Variants in GLT1D1 observed in about 807,000 individuals in gnomAD.
The protein encoded by GLT1D1 is glycosyltransferase 1 domain containing 1, also known as glycosyltransferase 1 domain-containing protein 1.
GLT1D1 carries 21 observed loss-of-function variants against 28.7 expected under a neutral mutation model. The observed-to-expected ratio is 0.73, with a 90% CI of 0.52 to 1.05. The LOEUF (loss-of-function observed/expected upper bound fraction) is 1.05, where lower values mean the gene tolerates loss of function less well. Ranked by LOEUF, GLT1D1 falls within the 50% of genes least tolerant of loss-of-function variation. GLT1D1 has a pLI of 0.00. For missense variants in GLT1D1, 343 were observed against 330.6 expected, an observed-to-expected ratio of 1.04 and a Z score of -0.29; for synonymous variants, 147 against 124.8, an observed-to-expected ratio of 1.18 and a Z score of -1.19.
intron 7 of GLT1D1, among the ~76,000 whole-genome samples, chr12:128,963,680 C>T (rs1414928694): frequency 6.6e-6 from 1 of 152,170 alleles, no homozygotes; most frequent in Non-Finnish European, 1.5e-5. Flanking sequence ...TCTCTCTCTA[C>T]ATGAAAATTA....
intron 7 of GLT1D1, among the ~76,000 whole-genome samples, chr12:128,960,233 A>G (rs1877796626): frequency 6.6e-6 from 1 of 152,216 alleles, no homozygotes; most frequent in African/African-American, 2.4e-5. Flanking sequence ...GGAGGCTGCG[A>G]TTCTTAACAC....
intron 7 of GLT1D1, among the ~76,000 whole-genome samples, chr12:128,978,569 G>T (rs1880015325): frequency 6.6e-6 from 1 of 152,126 alleles, no homozygotes; most frequent in Non-Finnish European, 1.5e-5. Flanking sequence ...ACTTTTTCCA[G>T]AAGACACTGA....
At chr12:128,958,539 G>C (rs1877528370) in intron 7 of GLT1D1, among the ~76,000 whole-genome samples, 2 of 142,204 alleles carry the variant, frequency 1.4e-5, no homozygotes, top group African/African-American at 5.3e-5. Flanking sequence ...TCAGGAGTTT[G>C]AGACCAGCCT....
chr12:128,874,098 T>TTCTTTC (rs1956788789), intron 1 of GLT1D1, among the ~76,000 whole-genome samples: 2 of 33,052 alleles, frequency 6.1e-5, no homozygotes, highest in African/African-American at 2.5e-4. Context: ...CTTTCTTTCT[T>TTCTTTC]TCTCTCTCTC....
chr12:128,901,886 G>A (rs1419222395), intron 4 of GLT1D1, among the ~76,000 whole-genome samples: 1 of 151,344 alleles, frequency 6.6e-6, no homozygotes, highest in Non-Finnish European at 1.5e-5. Flanking sequence ...GTGCTGGGAT[G>A]ACAGGCATGA....
At chr12:128,956,323 G>A (rs888516068) in intron 6 of GLT1D1, among the ~76,000 whole-genome samples, 1 of 151,688 alleles carries the variant, frequency 6.6e-6, no homozygotes, top group African/African-American at 2.4e-5. Context: ...CATCTAACAC[G>A]AACCTATTTT....
chr12:128,974,704 G>A (rs983420990), intron 7 of GLT1D1, among the ~76,000 whole-genome samples: 2 of 152,200 alleles, frequency 1.3e-5, no homozygotes, highest in African/African-American at 4.8e-5. Flanking sequence ...TGTTGTTGAT[G>A]GGCATGGCCT....
chr12:128,919,860 C>T (rs772595958), intron 4 of GLT1D1, among the ~76,000 whole-genome samples: 1 of 152,128 alleles, frequency 6.6e-6, no homozygotes, highest in Non-Finnish European at 1.5e-5. Flanking sequence ...AAACCTAAAA[C>T]GTATGAAAGC....
At chr12:128,892,775 A>C (rs1869208223) in intron 3 of GLT1D1, among the ~76,000 whole-genome samples, 3 of 151,912 alleles carry the variant, frequency 2.0e-5, no homozygotes, top group South Asian at 2.1e-4. Flanking sequence ...TTAGTATTTA[A>C]ATTTTTTTTC....
At chr12:128,865,415 A>C (rs1298727212) in intron 1 of GLT1D1, among the ~76,000 whole-genome samples, 1 of 152,232 alleles carries the variant, frequency 6.6e-6, no homozygotes, top group East Asian at 1.9e-4. Flanking sequence ...TGATTATATC[A>C]CGGTAATGAA....
intron 7 of GLT1D1, among the ~76,000 whole-genome samples, chr12:128,962,980 A>G (rs546007977): frequency 1.2e-4 from 19 of 152,256 alleles, no homozygotes; most frequent in Admixed American, 6.5e-4. Flanking sequence ...GATTACAGGC[A>G]TGAGCCACCG....
Position 128,875,956 on chromosome 12 carries a change from T to G in GLT1D1, c.111T>G (p.Asp37Glu). 6.2e-7 allele frequency: 1 copy of G among 1,614,152 alleles called. No homozygotes were observed. The highest frequency in any genetic ancestry group is 1.1e-5 in the South Asian group (1 of 91,082). The change falls in exon 2 of 8, where the codon GAT becomes GAG. Residue 37 changes from aspartate (D) to glutamate (E), a missense_variant. Asp to Glu is a conservative substitution (Grantham distance 45). Coordinates refer to ENST00000281703, the MANE Select transcript of GLT1D1 (RefSeq NM_144669.3). ...CAGGGCACGTGTGCGTTTTGAAGGATGCCTTTGACTTTGAAAGCCGATCTG... is the reference window on the plus strand; with the variant it reads ...CAGGGCACGTGTGCGTTTTGAAGGAGGCCTTTGACTTTGAAAGCCGATCTG...
At chr12:128,862,841 G>C (rs941495029) in intron 1 of GLT1D1, among the ~76,000 whole-genome samples, 3 of 152,196 alleles carry the variant, frequency 2.0e-5, no homozygotes, top group African/African-American at 7.2e-5. Flanking sequence ...GACAAGTCTA[G>C]CATTCTAGCA....
chr12:128,978,098 CATAA>C (rs1441487066), intron 7 of GLT1D1, among the ~76,000 whole-genome samples: 1 of 151,752 alleles, frequency 6.6e-6, no homozygotes, highest in Non-Finnish European at 1.5e-5. Flanking sequence ...GAGTTATTTT[CATAA>C]ATAATTTTCA....
chr12:128,861,767 C>A (rs1341995218), intron 1 of GLT1D1, among the ~76,000 whole-genome samples: 3 of 151,378 alleles, frequency 2.0e-5, no homozygotes, highest in African/African-American at 7.3e-5. Context: ...GGAAGAAATG[C>A]AAACATCCTT....
intron 4 of GLT1D1, among the ~76,000 whole-genome samples, chr12:128,910,568 C>A (rs1324797454): frequency 6.6e-6 from 1 of 152,008 alleles, no homozygotes; most frequent in Non-Finnish European, 1.5e-5. Flanking sequence ...ACACTCCAAG[C>A]CTCCACTACA....
rs563774390 is a variant in GLT1D1, at chr12:128,952,241, C to T, written c.540+4783C>T. Among the ~76,000 whole-genome samples, 11 of 152,034 alleles carry T rather than the reference C, an allele frequency of 7.2e-5. No homozygotes were observed. In the South Asian group the frequency reaches 2.1e-3, roughly 29 times the overall value. The stretch of plus-strand genomic sequence containing the variant: ...CGTAGTAAGTGCTGAGGAGGAAGCG[C>T]AGCAGCACGACGTGACAGTGGGTGG... On this transcript the variant is annotated intron_variant, in intron 6 of 7. Transcript: ENST00000281703.
intron 4 of GLT1D1, among the ~76,000 whole-genome samples, chr12:128,935,237 C>G (rs890714712): frequency 6.6e-6 from 1 of 152,192 alleles, no homozygotes; most frequent in Non-Finnish European, 1.5e-5. Flanking sequence ...ATTTTCTACT[C>G]TACCAGAGCT....
chr12:128,881,558 A>AC (rs1566099206), intron 2 of GLT1D1, among the ~76,000 whole-genome samples: 2 of 72,406 alleles, frequency 2.8e-5, no homozygotes, highest in East Asian at 8.5e-4. Context: ...AAAAAAAAAA[A>AC]AAAATATATA....
Sources: allele counts gnomAD v4.1 joint callset (sites outside exome capture counted in the v4.1 genomes callset), GRCh38; gene constraint gnomAD v4.1.1; transcripts MANE v1.5; gene names NCBI Gene and HGNC (gene_info 2026-07-23, HGNC 2026-07-21).